Variants in CYFIP2 observed in about 807,000 individuals in gnomAD.
CYFIP2 encodes cytoplasmic FMR1 interacting protein 2.
Under a neutral mutation model 158.7 loss-of-function variants are expected in CYFIP2, and 29 were observed. That is an observed-to-expected ratio of 0.18 (90% CI 0.14 to 0.25). The LOEUF is 0.25. Ranked by LOEUF, CYFIP2 falls within the 10% of genes least tolerant of loss-of-function variation. CYFIP2 has a pLI of 1.00. For synonymous variants in CYFIP2, 585 were observed against 617.6 expected (o/e 0.95, Z 0.78); for missense variants, 852 against 1,639.5 (o/e 0.52, Z 8.29).
intron 2 of CYFIP2, 138 bp from the exon 3 acceptor site, chr5:157,286,881 C>A: frequency 1.6e-6 from 1 of 609,852 alleles, no homozygotes; most frequent in Non-Finnish European, 3.1e-6. Flanking sequence ...GGGGAAGGGG[C>A]AAGATGAAAG....
intron 21 of CYFIP2, among the ~76,000 whole-genome samples, chr5:157,334,233 G>T (rs1761695871): frequency 6.6e-6 from 1 of 152,208 alleles, no homozygotes; most frequent in African/African-American, 2.4e-5. Flanking sequence ...AATTCATGGA[G>T]ACATAGGGTA....
At position 157,392,829 on chromosome 5, in the gene CYFIP2, G is replaced by C; in HGVS notation, c.3595-4G>C. 1 of 1,613,518 alleles carries C rather than the reference G, an allele frequency of 6.2e-7. No individual in the cohort carries two copies. Among genetic ancestry groups the C allele is most frequent in the Non-Finnish European group, 8.5e-7 (1 of 1,179,622 alleles). Reference sequence around the variant, plus strand: ...CTAACTTGAACATCCCCTTCCTTCTGTAGCCCCTGAAGAAGATGGCCGACC... The same window carrying C: ...CTAACTTGAACATCCCCTTCCTTCTCTAGCCCCTGAAGAAGATGGCCGACC... On this transcript the variant is annotated splice_region_variant and splice_polypyrimidine_tract_variant and intron_variant, in intron 30 of 30. Transcript: ENST00000620254.
intron 8 of CYFIP2, chr5:157,304,582 T>C (rs867721410): frequency 6.6e-6 from 3 of 453,348 alleles, no homozygotes; most frequent in Middle Eastern, 1.2e-3. Context: ...CAATGTTATG[T>C]GTAATGACTG....
chr5:157,322,047 G>T (rs11134685), intron 15 of CYFIP2, among the ~76,000 whole-genome samples: 48,711 of 151,982 alleles, frequency 0.32, 8,620 homozygotes, highest in African/African-American at 0.48. Flanking sequence ...AGGAGTATTT[G>T]TGTAGATAAT....
chr5:157,384,515 C>G (rs770687786), intron 28 of CYFIP2: 1 of 456,370 alleles, frequency 2.2e-6, no homozygotes, highest in South Asian at 1.5e-5. Context: ...GGTGGCCTCT[C>G]TTCTGGCAAA....
rs1448052172 is a variant in CYFIP2, at chr5:157,300,816, G to A, written c.489G>A (p.Lys163=). 1.2e-6 allele frequency: 2 copies of A among 1,613,346 alleles called. No homozygotes were observed. The highest frequency in any genetic ancestry group is 1.7e-6 in the Non-Finnish European group (2 of 1,179,546). The change falls in exon 6 of 31, where the codon AAG becomes AAA. Residue 163 remains lysine, a synonymous_variant. Coordinates refer to ENST00000620254, the MANE Select transcript of CYFIP2 (RefSeq NM_001037333.3). ...AGGCCTACCTCCTGACCCTTGGCAA[G>A]TTCATCAACATGTTTGCTGTCCTGG... is the stretch of plus-strand genomic sequence containing the variant. The part of the protein sequence containing the change: ...VSEAYLLTLG[K]FINMFAVLDE...
At position 157,285,347 on chromosome 5, in the gene CYFIP2, A is replaced by T. The variant is rs1757289837; in HGVS notation, c.-15A>T. 6.4e-7 allele frequency: 1 copy of T among 1,554,024 alleles called. No homozygotes were observed. The highest frequency in any genetic ancestry group is 1.4e-5 in the African/African-American group (1 of 73,248). On this transcript the variant is annotated 5_prime_UTR_variant, in exon 2 of 31. Coordinates refer to ENST00000620254, the MANE Select transcript of CYFIP2 (RefSeq NM_001037333.3). Reference sequence around the variant, plus strand: ...CTCTTCCTTCCCTTCAGTGCAGAATACAGAAACTGCAGCCATGACCACGCA... The same window carrying T: ...CTCTTCCTTCCCTTCAGTGCAGAATTCAGAAACTGCAGCCATGACCACGCA...
At chr5:157,392,770 T>G in intron 30 of CYFIP2, 63 bp from the exon 31 acceptor site, 3 of 1,572,896 alleles carry the variant, frequency 1.9e-6, no homozygotes, top group Non-Finnish European at 2.6e-6. Flanking sequence ...ACTTCTCCTG[T>G]TACTCCCTCT....
intron 13 of CYFIP2, among the ~76,000 whole-genome samples, chr5:157,315,552 A>C (rs1441841497): frequency 6.6e-6 from 1 of 152,188 alleles, no homozygotes; most frequent in Non-Finnish European, 1.5e-5. Context: ...TACATTTTGT[A>C]GGCTTTCTAT....
At chr5:157,338,692 C>G (rs900911342) in intron 21 of CYFIP2, among the ~76,000 whole-genome samples, 8 of 152,210 alleles carry the variant, frequency 5.3e-5, no homozygotes, top group African/African-American at 1.9e-4. Flanking sequence ...TTAGTGGTAG[C>G]TCTTAGTATT....
chr5:157,367,055 T>C (rs1022073131), intron 26 of CYFIP2, among the ~76,000 whole-genome samples: 2 of 152,152 alleles, frequency 1.3e-5, no homozygotes, highest in Non-Finnish European at 2.9e-5. Flanking sequence ...TCTCTCCTTA[T>C]TAGAGTGGAC....
At chr5:157,377,085 G>A (rs892566245) in intron 26 of CYFIP2, 4 of 308,658 alleles carry the variant, frequency 1.3e-5, no homozygotes, top group East Asian at 9.8e-5. Flanking sequence ...CTCCTTTGCC[G>A]CTACTCCTGG....
At chr5:157,312,337 T>G (rs564669134) in intron 11 of CYFIP2, among the ~76,000 whole-genome samples, 13 of 152,044 alleles carry the variant, frequency 8.6e-5, no homozygotes, top group Non-Finnish European at 1.9e-4. Context: ...CTTTTTTTTT[T>G]TAATGGAGAC....
At chr5:157,367,751 CT>C (rs373446663) in intron 26 of CYFIP2, among the ~76,000 whole-genome samples, 1,501 of 123,562 alleles carry the variant, frequency 0.012, 13 homozygotes, top group East Asian at 0.046. Context: ...CCTCTGTTCA[CT>C]TTTTTTTTTT....
chr5:157,343,136 T>C, intron 23 of CYFIP2: 1 of 1,614,062 alleles, frequency 6.2e-7, no homozygotes, highest in South Asian at 1.1e-5. Context: ...ACACCAGAAC[T>C]GGAGGCAGAT....
At chr5:157,320,383 G>T (rs537635121) in intron 14 of CYFIP2, among the ~76,000 whole-genome samples, 1 of 152,298 alleles carries the variant, frequency 6.6e-6, no homozygotes, top group South Asian at 2.1e-4. Flanking sequence ...CACAAGTTCT[G>T]TCTCACTCGA....
At chr5:157,329,347 T>G (rs1307965743) in intron 19 of CYFIP2, among the ~76,000 whole-genome samples, 1 of 152,250 alleles carries the variant, frequency 6.6e-6, no homozygotes. Flanking sequence ...CCATCATCTA[T>G]ATAAACAGAC....
rs1019187990 is a variant in CYFIP2 at position 157,272,130 on chromosome 5, G to GC, written c.-24+5940dup. ...GGCAAACGAAGGGGAAAGTCCTTTA[G>GC]CCCCCACCAAGATCTTTTTCTCTGT... is the stretch of plus-strand genomic sequence containing the variant. On this transcript the variant is annotated intron_variant, in intron 1 of 30. Coordinates refer to ENST00000620254, the MANE Select transcript of CYFIP2 (RefSeq NM_001037333.3). 3.9e-5 allele frequency among the ~76,000 whole-genome samples: 6 copies of GC among 152,334 alleles called. 1 individual carries two copies. Among genetic ancestry groups the GC allele is most frequent in the Admixed American group, 1.3e-4 (2 of 15,300 alleles).
At position 157,361,898 on chromosome 5, in the gene CYFIP2, G is replaced by A. The variant is rs1763860987; in HGVS notation, c.3039+300G>A. 6.6e-6 allele frequency among the ~76,000 whole-genome samples: 1 copy of A among 152,146 alleles called. No individual in the cohort carries two copies. The highest frequency in any genetic ancestry group is 1.5e-5 in the Non-Finnish European group (1 of 68,030). On this transcript the variant is annotated intron_variant, in intron 26 of 30. Coordinates refer to ENST00000620254, the MANE Select transcript of CYFIP2 (RefSeq NM_001037333.3). The surrounding 1 kb of genome is among the most constrained non-coding windows in gnomAD (Gnocchi z 4.4). ...GGTTTACTGCAGGAGAAAGGAGGGT[G>A]TTTATTTTCAGAGTACCAAGCAAGG...
Sources: gnomAD v4.1 joint callset for allele counts (sites outside exome capture counted in the v4.1 genomes callset) on GRCh38, gnomAD v4.1.1 for gene constraint, Gnocchi (gnomAD v3.1) non-coding constraint, MANE v1.5 for transcripts, NCBI Gene and HGNC (gene_info 2026-07-23, HGNC 2026-07-21) for gene names.